The following GBA2 variants were observed in gnomAD, a reference collection of about 807,000 sequenced individuals.
GBA2 encodes the protein non-lysosomal glucosylceramidase.
Under a neutral mutation model 112.9 loss-of-function variants are expected in GBA2, and 79 were observed. The observed-to-expected ratio is 0.70, with a 90% CI of 0.58 to 0.84. The LOEUF is 0.84. GBA2 is among the 40% of genes least tolerant of loss of function. The probability of loss-of-function intolerance (pLI) is 0.00; values close to 1 mark genes in which losing one functional copy is unlikely to be tolerated. For synonymous variants in GBA2, 403 were observed against 434.3 expected (o/e 0.93, Z 0.90); for missense variants, 1,043 against 1,190.0 (o/e 0.88, Z 1.82).
chr9:35,737,037 C>T lies in GBA2; in HGVS notation c.*132G>A. 1.4e-6 allele frequency: 2 copies of T among 1,391,712 alleles called. No homozygotes were observed. Among genetic ancestry groups the T allele is most frequent in the South Asian group, 1.4e-5 (1 of 71,034 alleles). The allele number at this position is 1,391,712 out of a possible 1,614,324, so 86.2% of individuals were successfully genotyped here. ...CACCCTCAACCCCCATTTACTGGCA[C>T]AATTGGGTGGAGAGAAGGGAAGGGG... On this transcript the variant is annotated 3_prime_UTR_variant, in exon 17 of 17. Transcript: ENST00000378103. This position sits in a 1 kb window ranked among gnomAD's most constrained non-coding sequence, Gnocchi z 4.1.
In GBA2 at chr9:35,740,473, C is replaced by T. The variant is rs1378105743; in HGVS notation, c.1129+53G>A. 6.4e-7 allele frequency: 1 copy of T among 1,564,762 alleles called. No individual in the cohort carries two copies. Among genetic ancestry groups the T allele is most frequent in the Non-Finnish European group, 8.8e-7 (1 of 1,137,630 alleles). ...TTACCAGGCCTCCCACCCCTGGTCC[C>T]AAGACAGGGACAACCTCTCTTCCCA... On this transcript the variant is annotated intron_variant, in intron 6 of 16. Coordinates refer to ENST00000378103, the MANE Select transcript of GBA2 (RefSeq NM_020944.3). This position sits in a 1 kb window ranked among gnomAD's most constrained non-coding sequence, Gnocchi z 4.7.
chr9:35,748,705 G>A lies in GBA2; in HGVS notation c.-1C>T. 1.3e-6 allele frequency: 2 copies of A among 1,529,164 alleles called. No individual in the cohort carries two copies. The highest frequency in any genetic ancestry group is 1.8e-6 in the Non-Finnish European group (2 of 1,130,394). The allele number at this position is 1,529,164 out of a possible 1,614,324, so 94.7% of individuals were successfully genotyped here. A position where few individuals can be genotyped will look rare whatever the true frequency, so the allele number is the denominator to read the frequency against. ...TGTTCCCTGGATCCTGGGTCCCCAT[G>A]ACCTCGATGGCGCCAAGTCCCGAGC... On this transcript the variant is annotated 5_prime_UTR_variant, in exon 1 of 17. Transcript: ENST00000378103.
Position 35,740,417 on chromosome 9 carries a change from G to C in GBA2, c.1130-55C>G. On this transcript the variant is annotated intron_variant, in intron 6 of 16. Transcript: ENST00000378103. The surrounding 1 kb of genome is among the most constrained non-coding windows in gnomAD (Gnocchi z 4.7). The stretch of plus-strand genomic sequence containing the variant: ...GGAGCCCCTTCAGCCCCAGGGATAG[G>C]GATCCCTAACATGGAAACAAGGCCT... 6.3e-7 allele frequency: 1 copy of C among 1,593,070 alleles called. No individual in the cohort carries two copies. The highest frequency in any genetic ancestry group is 8.6e-7 in the Non-Finnish European group (1 of 1,164,866).
intron 1 of GBA2, among the ~76,000 whole-genome samples, chr9:35,745,043 A>G (rs978018959): frequency 1.3e-5 from 2 of 152,154 alleles, no homozygotes; most frequent in Non-Finnish European, 2.9e-5. Context: ...TTCCTGGCCT[A>G]CAGCCTCCGC....
Position 35,737,863 on chromosome 9 carries a change from G to T in GBA2, c.2390C>A (p.Ala797Asp), listed in dbSNP as rs1588003405. Residue 797 changes from alanine to aspartate, a missense_variant, in exon 16 of 17, where the codon GCC becomes GAC. Transcript: ENST00000378103. This position sits in a 1 kb window ranked among gnomAD's most constrained non-coding sequence, Gnocchi z 4.1. ...CTGCATCCCATTCACAGCCCCCATG[G>T]CCCCTCCTGCAAAGGCCTGGACGTT... ...ELNVQAFAGG[A>D]MGAVNGMQPH... is the part of the protein sequence containing the mutation. 2 of 1,613,648 alleles carry T rather than the reference G, an allele frequency of 1.2e-6. No homozygotes were observed. The highest frequency in any genetic ancestry group is 8.5e-7 in the Non-Finnish European group (1 of 1,179,870).
At chr9:35,744,436 G>T in intron 2 of GBA2, 24 bp from the exon 3 acceptor site, 2 of 1,368,124 alleles carry the variant, frequency 1.5e-6, no homozygotes, top group Non-Finnish European at 2.1e-6. Flanking sequence ...GGTGGTTAGT[G>T]GGGTATTGGG....
In GBA2 at chr9:35,737,371, TGGAAG is replaced by T; in HGVS notation, c.2577_2581del (p.Phe860AspfsTer91). On this transcript the variant is annotated frameshift_variant, in exon 17 of 17. Coordinates refer to ENST00000378103, the MANE Select transcript of GBA2 (RefSeq NM_020944.3). LOFTEE classifies it high-confidence loss of function. This position sits in a 1 kb window ranked among gnomAD's most constrained non-coding sequence, Gnocchi z 4.1. ...CTGCTGGCAGTATGCCTCTGGGGTC[TGGAAG>T]GCCAGACCCAGGCGCTCCCACACGG... 6.2e-7 allele frequency: 1 copy of T among 1,614,176 alleles called. No individual in the cohort carries two copies. Among genetic ancestry groups the T allele is most frequent in the Non-Finnish European group, 8.5e-7 (1 of 1,180,020 alleles).
At position 35,741,933 on chromosome 9, in the gene GBA2, C is replaced by A. The variant is rs1467031057; in HGVS notation, c.568-43G>T. On this transcript the variant is annotated intron_variant, in intron 3 of 16. Transcript: ENST00000378103. This position sits in a 1 kb window ranked among gnomAD's most constrained non-coding sequence, Gnocchi z 4.6. Reference sequence around the variant, plus strand: ...GCTGGAACGGGGTAAACCACAGGGACCACAGACTAAGTCTTCCCTCTCCTC... The same window carrying A: ...GCTGGAACGGGGTAAACCACAGGGAACACAGACTAAGTCTTCCCTCTCCTC... 7.5e-7 allele frequency: 1 copy of A among 1,334,382 alleles called. No individual in the cohort carries two copies. Among genetic ancestry groups the A allele is most frequent in the South Asian group, 1.2e-5 (1 of 84,942 alleles). 82.7% of individuals were successfully genotyped at this position (1,334,382 alleles called of 1,614,324 possible).
At chr9:35,738,711 C>G (rs199991178) in intron 12 of GBA2, 41 bp downstream of exon 12, 4 of 1,611,488 alleles carry the variant, frequency 2.5e-6, no homozygotes, top group East Asian at 2.2e-5. Flanking sequence ...AGACACCAAC[C>G]ATACCCCTGG....
At chr9:35,738,460 GA>G in intron 13 of GBA2, 65 bp downstream of exon 13, 1 of 1,587,298 alleles carries the variant, frequency 6.3e-7, no homozygotes, top group East Asian at 2.2e-5. Context: ...ATTCTTTCTT[GA>G]GCCCTACAAT....
In GBA2 at chr9:35,744,462, C is replaced by T. The variant is rs1355286731; in HGVS notation, c.452-50G>A. 3 of 1,186,994 alleles carry T rather than the reference C, an allele frequency of 2.5e-6. No homozygotes were observed. In the South Asian group the frequency reaches 3.7e-5, roughly 14 times the overall value. The allele number at this position is 1,186,994 out of a possible 1,614,324, so 73.5% of individuals were successfully genotyped here. A position where few individuals can be genotyped will look rare whatever the true frequency, so the allele number is the denominator to read the frequency against. On this transcript the variant is annotated intron_variant, in intron 2 of 16. Coordinates refer to ENST00000378103, the MANE Select transcript of GBA2 (RefSeq NM_020944.3). Reference sequence around the variant, plus strand: ...GGGTATTGGGAGAGGAAAATAAGCCCATTTCTAACTTTCTAGACTATAAAG... The same window carrying T: ...GGGTATTGGGAGAGGAAAATAAGCCTATTTCTAACTTTCTAGACTATAAAG...
intron 3 of GBA2, among the ~76,000 whole-genome samples, chr9:35,743,909 T>C (rs1193937798): frequency 1.3e-5 from 2 of 152,132 alleles, no homozygotes; most frequent in African/African-American, 2.4e-5. Context: ...GTGTCTTTTT[T>C]TCCCATGAGT....
rs1826510188 is a variant in GBA2 at position 35,739,620 on chromosome 9, T to A, written c.1582+8A>T. ...CCTGCCATATCCCAGCCCACCAGCA[T>A]CCTGTACCCTCAAGGTAGCCAAATC... On this transcript the variant is annotated splice_region_variant and intron_variant, in intron 9 of 16. Transcript: ENST00000378103. 6.2e-7 allele frequency: 1 copy of A among 1,612,638 alleles called. No homozygotes were observed. Among genetic ancestry groups the A allele is most frequent in the South Asian group, 1.1e-5 (1 of 91,012 alleles).
chr9:35,742,992 A>C (rs1013143492), intron 3 of GBA2, among the ~76,000 whole-genome samples: 4 of 152,232 alleles, frequency 2.6e-5, no homozygotes, highest in African/African-American at 9.6e-5. Flanking sequence ...ACGGCACAAC[A>C]AGGGTTTATG....
chr9:35,739,189 G>A, intron 10 of GBA2, 80 bp from the exon 11 acceptor site: 1 of 1,045,466 alleles, frequency 9.6e-7, no homozygotes, highest in Non-Finnish European at 1.5e-6. Flanking sequence ...GACTGCAGTG[G>A]GGAACCAGTA....
At position 35,744,411 on chromosome 9, in the gene GBA2, A is replaced by G; in HGVS notation, c.453T>C (p.Gly151=). ...INSVPLRQIY[G]CPLGGIGGGT... is the part of the protein sequence containing the mutation. ...CTCCCCCGATGCCACCCAAGGGACA[A>G]CCTAGAGAAATCAGGGTGGTTAGTG... The change falls in exon 3 of 17, where the codon GGT becomes GGC. Residue 151 remains glycine (G), a splice_region_variant and synonymous_variant. Coordinates refer to ENST00000378103, the MANE Select transcript of GBA2 (RefSeq NM_020944.3). The G allele has an allele frequency of 6.4e-7, 1 of 1,572,050 alleles. No homozygotes were observed. Among genetic ancestry groups the G allele is most frequent in the Non-Finnish European group, 8.8e-7 (1 of 1,141,644 alleles).
rs186209289 is a variant in GBA2, at chr9:35,746,908, C to T, written c.359+1438G>A. 1.6e-3 allele frequency among the ~76,000 whole-genome samples: 236 copies of T among 152,238 alleles called. No individual in the cohort carries two copies. Among genetic ancestry groups the T allele is most frequent in the African/African-American group, 5.2e-3 (216 of 41,532 alleles). On this transcript the variant is annotated intron_variant, in intron 1 of 16. Transcript: ENST00000378103. The surrounding 1 kb of genome is among the most constrained non-coding windows in gnomAD (Gnocchi z 5.2). ...GAGAACAATTGAAATTGAGTTCTTA[C>T]GAAGGTAAGACCCAGAGAATTCTGT... is the stretch of plus-strand genomic sequence containing the variant.
chr9:35,741,212 C>T lies in GBA2; in HGVS notation c.787-148G>A. On this transcript the variant is annotated intron_variant, in intron 4 of 16. Coordinates refer to ENST00000378103, the MANE Select transcript of GBA2 (RefSeq NM_020944.3). The surrounding 1 kb of genome is among the most constrained non-coding windows in gnomAD (Gnocchi z 4.6). ...GTCCACTTGCATCTCCCCATATTCC[C>T]AGGCAAGCTGCCTAGCAGGGAATAT... is the stretch of plus-strand genomic sequence containing the variant. The T allele has an allele frequency of 1.2e-6, 1 of 829,240 alleles. No homozygotes were observed. Among genetic ancestry groups the T allele is most frequent in the Non-Finnish European group, 1.9e-6 (1 of 538,442 alleles). 51.4% of individuals were successfully genotyped at this position (829,240 alleles called of 1,614,324 possible).
In GBA2 at chr9:35,748,405, G is replaced by C. The variant is rs202140393; in HGVS notation, c.300C>G (p.Pro100=). 8.7e-6 allele frequency: 14 copies of C among 1,614,170 alleles called. No homozygotes were observed. In the African/African-American group the frequency reaches 1.7e-4, roughly 20 times the overall value. The change falls in exon 1 of 17, where the codon CCC becomes CCG. Residue 100 remains proline (P), a synonymous_variant. Coordinates refer to ENST00000378103, the MANE Select transcript of GBA2 (RefSeq NM_020944.3). ...LAHEFTEKRK[P]FQANNVSLSN... is the part of the protein sequence containing the mutation. ...TTAGGGAGACGTTGTTAGCTTGAAA[G>C]GGTTTCCTCTTCTCTGTAAACTCAT...
Sources: allele counts gnomAD v4.1 joint callset (sites outside exome capture counted in the v4.1 genomes callset), GRCh38; gene constraint gnomAD v4.1.1; non-coding constraint Gnocchi (gnomAD v3.1); transcripts MANE v1.5; gene names NCBI Gene and HGNC (gene_info 2026-07-23, HGNC 2026-07-21).